Variants in ABL1 observed in about 807,000 individuals in gnomAD.
ABL1 encodes the protein ABL proto-oncogene 1, non-receptor tyrosine kinase, also known as tyrosine-protein kinase ABL1.
ABL1 carries 11 observed loss-of-function variants against 94.7 expected under a neutral mutation model. That is an observed-to-expected ratio of 0.12 (90% CI 0.07 to 0.19). The LOEUF (loss-of-function observed/expected upper bound fraction) is 0.19, where lower values mean the gene tolerates loss of function less well. Ranked by LOEUF, ABL1 falls within the 10% of genes least tolerant of loss-of-function variation. ABL1 has a pLI of 1.00. For synonymous variants in ABL1, 656 were observed against 622.4 expected (o/e 1.05, Z -0.80); for missense variants, 1,082 against 1,489.4 (o/e 0.73, Z 4.50).
intron 1 of ABL1, among the ~76,000 whole-genome samples, chr9:130,809,433 T>A (rs1830176411): frequency 6.6e-6 from 1 of 151,242 alleles, no homozygotes; most frequent in African/African-American, 2.5e-5. Flanking sequence ...TGTGTGTGTG[T>A]GTGTGTGTGT....
chr9:130,752,551 A>G (rs935747149), intron 1 of ABL1, among the ~76,000 whole-genome samples: 1 of 152,190 alleles, frequency 6.6e-6, no homozygotes, highest in African/African-American at 2.4e-5. Flanking sequence ...GCAACCAATA[A>G]GTAGTCTTCT....
chr9:130,771,950 C>T (rs910748483), intron 1 of ABL1, among the ~76,000 whole-genome samples: 4 of 151,984 alleles, frequency 2.6e-5, no homozygotes, highest in Non-Finnish European at 5.9e-5. Flanking sequence ...GATGGGGTTT[C>T]GCCATGTTGA....
In ABL1 at chr9:130,862,746, T is replaced by C. The variant is rs1175718254; in HGVS notation, c.550-17T>C. ...GCCTGTCTCTGTGGGCTGAAGGCTG[T>C]TCCCTGTTTCCTTCAGCTCTACGTC... On this transcript the variant is annotated splice_polypyrimidine_tract_variant and intron_variant, in intron 3 of 10. Transcript: ENST00000318560. This position sits in a 1 kb window ranked among gnomAD's most constrained non-coding sequence, Gnocchi z 5.5. The C allele has an allele frequency of 6.2e-7, 1 of 1,610,612 alleles. No homozygotes were observed. Among genetic ancestry groups the C allele is most frequent in the Non-Finnish European group, 8.5e-7 (1 of 1,178,336 alleles).
At chr9:130,854,546 G>C (rs1312092542) in intron 2 of ABL1, among the ~76,000 whole-genome samples, 1 of 152,144 alleles carries the variant, frequency 6.6e-6, no homozygotes, top group Non-Finnish European at 1.5e-5. Flanking sequence ...ATTAGGAACA[G>C]AGCACTTGAA....
chr9:130,773,107 G>C (rs923739441), intron 1 of ABL1, among the ~76,000 whole-genome samples: 19 of 152,158 alleles, frequency 1.2e-4, no homozygotes, highest in Non-Finnish European at 2.6e-4. Context: ...GATCACCTGA[G>C]GTCAGGAGTT....
At chr9:130,839,394 C>T (rs1218500642) in intron 1 of ABL1, among the ~76,000 whole-genome samples, 1 of 152,226 alleles carries the variant, frequency 6.6e-6, no homozygotes, top group Non-Finnish European at 1.5e-5. Flanking sequence ...TCATCAGATA[C>T]TTCCCTTGTT....
At chr9:130,826,827 C>G (rs1279316319) in intron 1 of ABL1, among the ~76,000 whole-genome samples, 1 of 152,150 alleles carries the variant, frequency 6.6e-6, no homozygotes, top group Non-Finnish European at 1.5e-5. Flanking sequence ...GCCTGTAATC[C>G]CAGCACTTTG....
chr9:130,883,985 G>C lies in ABL1; in HGVS notation c.1695G>C (p.Glu565Asp), dbSNP rs756799646. The C allele has an allele frequency of 6.2e-7, 1 of 1,612,554 alleles. No individual in the cohort carries two copies. Among genetic ancestry groups the C allele is most frequent in the East Asian group, 2.2e-5 (1 of 44,876 alleles). Residue 565 changes from glutamate to aspartate, a missense_variant, in exon 11 of 11, where the codon GAG becomes GAC. Around this residue, in one of 7 missense-constraint regions of ABL1, gnomAD observed 780 missense variants for 835.8 expected, o/e 0.93. Coordinates refer to ENST00000318560, the MANE Select transcript of ABL1 (RefSeq NM_005157.6). ...GQGESDPLDH[E>D]PAVSPLLPRK... ...GCGTTTCAGATCCTCTGGACCATGA[G>C]CCTGCCGTGTCTCCATTGCTCCCTC... is the stretch of plus-strand genomic sequence containing the variant.
At chr9:130,728,119 G>T (rs1347253870) in intron 1 of ABL1, among the ~76,000 whole-genome samples, 1 of 151,948 alleles carries the variant, frequency 6.6e-6, no homozygotes, top group Non-Finnish European at 1.5e-5. Flanking sequence ...AGGCTGGAGT[G>T]CAGTGGCAAT....
At chr9:130,755,437 T>C (rs916972855) in intron 1 of ABL1, among the ~76,000 whole-genome samples, 3 of 152,160 alleles carry the variant, frequency 2.0e-5, no homozygotes, top group Non-Finnish European at 4.4e-5. Context: ...GCTTCAGTAG[T>C]AGCATTGACA....
At chr9:130,751,109 A>G (rs1588222874) in intron 1 of ABL1, among the ~76,000 whole-genome samples, 1 of 130,760 alleles carries the variant, frequency 7.6e-6, no homozygotes, top group East Asian at 2.8e-4. Context: ...GTCCTTTTGA[A>G]ACTTGTTTTT....
At chr9:130,845,013 C>G (rs1417732038) in intron 1 of ABL1, among the ~76,000 whole-genome samples, 1 of 152,186 alleles carries the variant, frequency 6.6e-6, no homozygotes, top group Non-Finnish European at 1.5e-5. Flanking sequence ...GTTAACAAGT[C>G]CTGCACTAAG....
At chr9:130,730,483 T>C (rs1831650325) in intron 1 of ABL1, among the ~76,000 whole-genome samples, 1 of 152,228 alleles carries the variant, frequency 6.6e-6, no homozygotes, top group Non-Finnish European at 1.5e-5. Context: ...TGTGTACCTA[T>C]GTATCTCTTG....
At chr9:130,735,953 A>ATTTTTTTTTTTTTTTTTT (rs869189501) in intron 1 of ABL1, among the ~76,000 whole-genome samples, 1 of 81,548 alleles carries the variant, frequency 1.2e-5, no homozygotes, top group Non-Finnish European at 2.0e-5. Flanking sequence ...ATATATATAT[A>ATTTTTTTTTTTTTTTTTT]TATATATATT....
intron 1 of ABL1, among the ~76,000 whole-genome samples, chr9:130,785,913 ACT>A (rs1829819107): frequency 7.1e-6 from 1 of 141,066 alleles, no homozygotes; most frequent in South Asian, 2.2e-4. Context: ...ACATTCTGGA[ACT>A]CTGTCTCAAA....
intron 4 of ABL1, among the ~76,000 whole-genome samples, chr9:130,870,259 A>G (rs1444568809): frequency 6.6e-6 from 1 of 152,212 alleles, no homozygotes; most frequent in Admixed American, 6.5e-5. Context: ...GAGACAGATG[A>G]GAAGAGGGCT....
chr9:130,808,231 T>C (rs1177221727), intron 1 of ABL1, among the ~76,000 whole-genome samples: 3 of 141,614 alleles, frequency 2.1e-5, no homozygotes, highest in Admixed American at 7.1e-5. Flanking sequence ...TTCTTCTTCT[T>C]CTTCTTCTTC....
At chr9:130,756,716 C>A (rs1011197766) in intron 1 of ABL1, among the ~76,000 whole-genome samples, 1 of 152,184 alleles carries the variant, frequency 6.6e-6, no homozygotes, top group Admixed American at 6.5e-5. Context: ...TGTAACACAG[C>A]GTCAGCCTGA....
chr9:130,830,813 A>G (rs1830486372), upstream of ABL1, among the ~76,000 whole-genome samples: 1 of 152,192 alleles, frequency 6.6e-6, no homozygotes, highest in Non-Finnish European at 1.5e-5. Flanking sequence ...TTTTCAGATG[A>G]GAAAATTGAG....
Sources: gnomAD v4.1 joint callset for allele counts (sites outside exome capture counted in the v4.1 genomes callset) on GRCh38, gnomAD v4.1.1 for gene constraint, gnomAD v4.1.1 regional missense constraint, Gnocchi (gnomAD v3.1) non-coding constraint, MANE v1.5 for transcripts, NCBI Gene and HGNC (gene_info 2026-07-23, HGNC 2026-07-21) for gene names.